PDE1C: variants seen among roughly 807,000 people sequenced by gnomAD.
PDE1C encodes the protein phosphodiesterase 1C, also known as dual specificity calcium/calmodulin-dependent 3',5'-cyclic nucleotide phosphodiesterase 1C.
Under a neutral mutation model 93.1 loss-of-function variants are expected in PDE1C, and 62 were observed. The ratio of observed to expected loss-of-function variants is 0.67; its 90% CI spans 0.54 to 0.82. The LOEUF (loss-of-function observed/expected upper bound fraction) is 0.82. Ranked by LOEUF, PDE1C falls within the 40% of genes least tolerant of loss-of-function variation. The pLI is 0.00. For missense variants in PDE1C, 742 were observed against 884.6 expected, an observed-to-expected ratio of 0.84 and a Z score of 2.04; for synonymous variants, 325 against 310.1, an observed-to-expected ratio of 1.05 and a Z score of -0.50.
intron 1 of PDE1C, among the ~76,000 whole-genome samples, chr7:32,210,816 C>A (rs28693536): frequency 0.071 from 10,793 of 152,148 alleles, 1,331 homozygotes; most frequent in African/African-American, 0.25. Context: ...CATCTGCACT[C>A]TTACTATATA....
chr7:31,639,928 T>C, the PDE1C span, among the ~76,000 whole-genome samples: 1 of 152,226 alleles, frequency 6.6e-6, no homozygotes, highest in Non-Finnish European at 1.5e-5. Flanking sequence ...TTGATTTTTC[T>C]CCTCATAATG....
At chr7:32,322,097 T>C (rs901485815) in intron 1 of PDE1C, among the ~76,000 whole-genome samples, 1 of 152,218 alleles carries the variant, frequency 6.6e-6, no homozygotes, top group Non-Finnish European at 1.5e-5. Flanking sequence ...TTAGTCCTTA[T>C]ACTCTATAAG....
At chr7:32,204,040 G>A (rs932707679) in intron 2 of PDE1C, among the ~76,000 whole-genome samples, 1 of 152,078 alleles carries the variant, frequency 6.6e-6, no homozygotes, top group Non-Finnish European at 1.5e-5. Flanking sequence ...TTTACTAAGT[G>A]CACTTAGAAA....
intron 1 of PDE1C, among the ~76,000 whole-genome samples, chr7:32,231,644 A>T (rs59647479): frequency 0.1 from 15,976 of 152,234 alleles, 892 homozygotes; most frequent in East Asian, 0.13. Context: ...GCACCAGAGA[A>T]AAACTGCTCT....
At chr7:32,168,200 C>T (rs1165977576) in intron 3 of PDE1C, among the ~76,000 whole-genome samples, 1 of 152,168 alleles carries the variant, frequency 6.6e-6, no homozygotes, top group Non-Finnish European at 1.5e-5. Flanking sequence ...CCAAGTGTTA[C>T]AAGGAAACAG....
chr7:32,310,753 GT>G, intron 1 of PDE1C, among the ~76,000 whole-genome samples: 1 of 151,928 alleles, frequency 6.6e-6, no homozygotes, highest in South Asian at 2.1e-4. Context: ...ATTCAAAGCA[GT>G]GTGTAGAGGG....
At chr7:31,933,758 T>C (rs1450034722) in intron 2 of PDE1C, among the ~76,000 whole-genome samples, 1 of 152,204 alleles carries the variant, frequency 6.6e-6, no homozygotes, top group Non-Finnish European at 1.5e-5. Context: ...TAAAAGTGTG[T>C]GGCACCTCCC....
At chr7:32,007,746 C>T (rs1786475439) in intron 2 of PDE1C, among the ~76,000 whole-genome samples, 2 of 152,104 alleles carry the variant, frequency 1.3e-5, no homozygotes, top group African/African-American at 4.8e-5. Context: ...TATCTTATGC[C>T]TCATTCTACC....
At chr7:32,010,615 C>A (rs1786947709) in intron 2 of PDE1C, among the ~76,000 whole-genome samples, 1 of 152,194 alleles carries the variant, frequency 6.6e-6, no homozygotes, top group African/African-American at 2.4e-5. Context: ...AAAAGTATCA[C>A]AAACCAGGTC....
chr7:32,298,533 CCCTCCGGCCCCAGCCCGACCCCTGAGCT>C lies in PDE1C; in HGVS notation c.85+90_85+117del, dbSNP rs1340216481. ...CCCGGGGGCTCCCGCCCGGAGAGCA[CCCTCCGGCCCCAGCCCGACCCCTGAGCT>C]CCCCCTGCCCGCTTAGAAAGGAACT... On this transcript the variant is annotated intron_variant, in intron 1 of 18. Transcript: ENST00000396193. The C allele has an allele frequency of 9.5e-6, 12 of 1,268,114 alleles. No homozygotes were observed. In the African/African-American group the frequency reaches 1.7e-4, roughly 18 times the overall value. 78.6% of individuals were successfully genotyped at this position (1,268,114 alleles called of 1,614,324 possible).
the PDE1C span, among the ~76,000 whole-genome samples, chr7:31,662,451 T>C: frequency 6.6e-6 from 1 of 152,128 alleles, no homozygotes; most frequent in Non-Finnish European, 1.5e-5. Flanking sequence ...CTGTATTTGT[T>C]CCCACCTGAG....
chr7:31,802,701 AT>A (rs35984088), intron 16 of PDE1C, among the ~76,000 whole-genome samples: 24,050 of 151,140 alleles, frequency 0.16, 1,992 homozygotes, highest in South Asian at 0.22. Context: ...TTCTTTGTTG[AT>A]TTTTTTTCCT....
At chr7:31,705,986 A>ATTTTTTTTTTTTTTTTTTTTTTT in the PDE1C span, among the ~76,000 whole-genome samples, 1 of 52,514 alleles carries the variant, frequency 1.9e-5, no homozygotes, top group Non-Finnish European at 3.5e-5. Flanking sequence ...CAGACCAGTA[A>ATTTTTTTTTTTTTTTTTTTTTTT]TTTTTTTTTT....
chr7:32,264,569 G>A (rs1465778237), intron 1 of PDE1C, among the ~76,000 whole-genome samples: 1 of 152,174 alleles, frequency 6.6e-6, no homozygotes, highest in Non-Finnish European at 1.5e-5. Flanking sequence ...TCATCAAACT[G>A]AGTGTCCACT....
intron 16 of PDE1C, among the ~76,000 whole-genome samples, chr7:31,806,622 C>T (rs1786862280): frequency 6.6e-6 from 1 of 152,054 alleles, no homozygotes; most frequent in South Asian, 2.1e-4. Context: ...TACCTTTCAG[C>T]ACATACTACT....
chr7:32,007,146 C>T (rs546256229), intron 2 of PDE1C, among the ~76,000 whole-genome samples: 19 of 152,308 alleles, frequency 1.2e-4, no homozygotes, highest in Non-Finnish European at 2.5e-4. Flanking sequence ...ATTAGTTTAA[C>T]TAACTCTATT....
chr7:31,804,111 G>A (rs1361152481), intron 16 of PDE1C, among the ~76,000 whole-genome samples: 1 of 151,750 alleles, frequency 6.6e-6, no homozygotes, highest in Non-Finnish European at 1.5e-5. Flanking sequence ...CTTGTTGGGT[G>A]CTGGATATTT....
At chr7:32,079,142 A>C (rs966654029) in intron 3 of PDE1C, among the ~76,000 whole-genome samples, 15 of 152,316 alleles carry the variant, frequency 9.8e-5, no homozygotes, top group African/African-American at 3.6e-4. Flanking sequence ...GATCTCACAA[A>C]ACAAATAAAT....
intron 2 of PDE1C, among the ~76,000 whole-genome samples, chr7:32,178,778 G>T (rs753412746): frequency 2.6e-5 from 4 of 151,776 alleles, no homozygotes; most frequent in Non-Finnish European, 5.9e-5. Context: ...AATCCTCTCC[G>T]TTCTCTTCAC....
Sources: allele counts gnomAD v4.1 joint callset (sites outside exome capture counted in the v4.1 genomes callset), GRCh38; gene constraint gnomAD v4.1.1; transcripts MANE v1.5; gene names NCBI Gene and HGNC (gene_info 2026-07-23, HGNC 2026-07-21).